The following PABIR2 variants were observed in gnomAD, a reference collection of about 807,000 sequenced individuals.
The protein encoded by PABIR2 is PABIR family member 2.
A neutral mutation model predicts 22.8 loss-of-function variants in PABIR2; 7 were observed. That is an observed-to-expected ratio of 0.31 (90% CI 0.17 to 0.58). The LOEUF is 0.58. Among genes scored for constraint, PABIR2 ranks in the 20% least tolerant of loss-of-function variants. The pLI is 0.89. For missense variants in PABIR2, 155 were observed against 205.1 expected, an observed-to-expected ratio of 0.76 and a Z score of 1.49; for synonymous variants, 67 against 73.8, an observed-to-expected ratio of 0.91 and a Z score of 0.47.
chrX:134,782,957 A>G (rs943276041), intron 8 of PABIR2, among the ~76,000 whole-genome samples: 1 of 112,136 alleles, frequency 8.9e-6, no homozygotes, highest in Non-Finnish European at 1.9e-5. Flanking sequence ...TCGCCTCACT[A>G]GCAAAAGACT....
At chrX:134,778,585 T>A (rs2079068166) in intron 9 of PABIR2, among the ~76,000 whole-genome samples, 1 of 110,102 alleles carries the variant, frequency 9.1e-6, no homozygotes, top group African/African-American at 3.3e-5. Flanking sequence ...ATATAAGGTG[T>A]CCCCAAAGTC....
In PABIR2 at chrX:134,770,733, G is replaced by A. The variant is rs757134759; in HGVS notation, c.*1406C>T. On this transcript the variant is annotated 3_prime_UTR_variant, in exon 10 of 10. Coordinates refer to ENST00000343004, the MANE Select transcript of PABIR2 (RefSeq NM_001387468.1). ...GACATTTTACCTAGTTATAAATAAC[G>A]TAACAATAGATCACACTCAGATTTC... 8.9e-6 allele frequency: 1 copy of A among 112,813 alleles called. No individual in the cohort carries two copies. The highest frequency in any genetic ancestry group is 3.6e-4 in the South Asian group (1 of 2,749). The allele number at this position is 112,813 out of a possible 1,213,427, so 9.3% of individuals were successfully genotyped here. A position where few individuals can be genotyped will look rare whatever the true frequency, so the allele number is the denominator to read the frequency against.
chrX:134,779,787 T>C (rs1416954546), intron 9 of PABIR2, among the ~76,000 whole-genome samples: 1 of 112,737 alleles, frequency 8.9e-6, no homozygotes, highest in Non-Finnish European at 1.9e-5. Flanking sequence ...GTCACTTGGT[T>C]AGTAACTAGG....
At chrX:134,790,420 A>T (rs2079511737) in intron 2 of PABIR2, among the ~76,000 whole-genome samples, 1 of 112,886 alleles carries the variant, frequency 8.9e-6, no homozygotes, top group Non-Finnish European at 1.9e-5. Flanking sequence ...AATGCAAGTG[A>T]ACTTGTAATA....
At chrX:134,779,005 G>A (rs1374810123) in intron 9 of PABIR2, among the ~76,000 whole-genome samples, 2 of 110,744 alleles carry the variant, frequency 1.8e-5, no homozygotes, top group African/African-American at 6.6e-5. Context: ...TAGTAGAGAC[G>A]AGGTTTCACC....
intron 1 of PABIR2, among the ~76,000 whole-genome samples, chrX:134,795,339 G>C (rs1034153515): frequency 1.3e-4 from 14 of 111,400 alleles, no homozygotes; most frequent in Non-Finnish European, 1.3e-4. Context: ...CTCGCAAATT[G>C]GCTCTCTACC....
chrX:134,785,680 G>T lies in PABIR2; in HGVS notation c.562+206C>A, dbSNP rs182529105. Among the ~76,000 whole-genome samples, 62 of 111,746 alleles carry T rather than the reference G, an allele frequency of 5.5e-4. No individual in the cohort carries two copies. In the East Asian group the frequency reaches 0.01, roughly 19 times the overall value. ...TGGTCTCAAACTCCTGACCCGAGGC[G>T]ATCCACCTGCCTCGGCCTCCGAAAG... On this transcript the variant is annotated intron_variant, in intron 8 of 9. Transcript: ENST00000343004.
rs770751499 is a variant in PABIR2, at chrX:134,789,209, T to A, written c.278+14A>T. The A allele has an allele frequency of 2.5e-6, 3 of 1,212,204 alleles. No individual in the cohort carries two copies. Among genetic ancestry groups the A allele is most frequent in the Non-Finnish European group, 3.3e-6 (3 of 895,599 alleles). ...CACTTATTAGGCTAGGCCCTGCTCT[T>A]GCAAAGCACTAACCTTTCATGTGCA... On this transcript the variant is annotated intron_variant, in intron 4 of 9. Coordinates refer to ENST00000343004, the MANE Select transcript of PABIR2 (RefSeq NM_001387468.1).
chrX:134,784,039 C>T lies in PABIR2; in HGVS notation c.562+1847G>A, dbSNP rs772991711. Among the ~76,000 whole-genome samples, 240 of 106,668 alleles carry T rather than the reference C, an allele frequency of 2.2e-3. 1 individual carries two copies. The highest frequency in any genetic ancestry group is 7.7e-3 in the African/African-American group (224 of 29,032). The allele number at this position is 106,668 out of a possible 115,157, so 92.6% of individuals were successfully genotyped here. A position where few individuals can be genotyped will look rare whatever the true frequency, so the allele number is the denominator to read the frequency against. ...GAGGTTGCAGTGAGCTGAGATTGCA[C>T]CACTGCACTCCAGCATGGGTGACAG... On this transcript the variant is annotated intron_variant, in intron 8 of 9. Transcript: ENST00000343004.
At position 134,787,498 on chromosome X, in the gene PABIR2, T is replaced by C. The variant is rs749907558; in HGVS notation, c.471A>G (p.Pro157=). ...FVSSSGLPPS[P]VPSPRRFSSR... ...TTGAAAATCGTCTTGGACTGGGAAC[T>C]GGACTTGGTGGCAATCCACTGCTGC... Residue 157 remains proline (P), a synonymous_variant, in exon 7 of 10, where the codon CCA becomes CCG. Coordinates refer to ENST00000343004, the MANE Select transcript of PABIR2 (RefSeq NM_001387468.1). 5 of 1,210,370 alleles carry C rather than the reference T, an allele frequency of 4.1e-6. No homozygotes were observed. The highest frequency in any genetic ancestry group is 5.6e-6 in the Non-Finnish European group (5 of 894,772).
intron 8 of PABIR2, among the ~76,000 whole-genome samples, chrX:134,784,734 C>T (rs1459123475): frequency 2.7e-5 from 3 of 111,118 alleles, no homozygotes; most frequent in Non-Finnish European, 5.7e-5. Flanking sequence ...CTGTCTCGGC[C>T]TCCCAAAGTG....
intron 9 of PABIR2, among the ~76,000 whole-genome samples, chrX:134,775,837 G>A (rs924663707): frequency 3.6e-5 from 4 of 111,453 alleles, no homozygotes; most frequent in African/African-American, 1.3e-4. Context: ...CTTGCTCTGG[G>A]TTAAACTGAT....
At chrX:134,794,539 T>C (rs945184846) in intron 1 of PABIR2, among the ~76,000 whole-genome samples, 2 of 111,723 alleles carry the variant, frequency 1.8e-5, no homozygotes, top group Non-Finnish European at 3.8e-5. Context: ...ACAAACGGAA[T>C]GCAATCACTC....
At chrX:134,777,579 G>A (rs924621519) in intron 9 of PABIR2, among the ~76,000 whole-genome samples, 7 of 106,569 alleles carry the variant, frequency 6.6e-5, no homozygotes, top group Non-Finnish European at 1.3e-4. Flanking sequence ...CTGTAATCCT[G>A]TAATCCCAGC....
intron 2 of PABIR2, among the ~76,000 whole-genome samples, chrX:134,791,918 C>T (rs1009877254): frequency 9.0e-6 from 1 of 111,667 alleles, no homozygotes; most frequent in East Asian, 2.8e-4. Flanking sequence ...GCAGCGCCAA[C>T]CCCCGGTCAC....
At chrX:134,793,547 C>A (rs2079611363) in intron 2 of PABIR2, 2 of 433,057 alleles carry the variant, frequency 4.6e-6, no homozygotes, top group Non-Finnish European at 8.5e-6. Context: ...TTAATCCTGA[C>A]TTACCTCACA....
chrX:134,770,703 C>T lies in PABIR2; in HGVS notation c.*1436G>A, dbSNP rs1417917750. 5 of 112,950 alleles carry T rather than the reference C, an allele frequency of 4.4e-5. No homozygotes were observed. Among genetic ancestry groups the T allele is most frequent in the Middle Eastern group, 4.6e-3 (1 of 219 alleles). 9.3% of individuals were successfully genotyped at this position (112,950 alleles called of 1,213,427 possible). ...TCTGAACGTTAAAAGAAATCTATCA[C>T]GACAGACATTTTACCTAGTTATAAA... On this transcript the variant is annotated 3_prime_UTR_variant, in exon 10 of 10. Coordinates refer to ENST00000343004, the MANE Select transcript of PABIR2 (RefSeq NM_001387468.1).
chrX:134,782,263 A>C (rs772500734), intron 8 of PABIR2, among the ~76,000 whole-genome samples: 1 of 112,327 alleles, frequency 8.9e-6, no homozygotes, highest in African/African-American at 3.2e-5. Context: ...TCAATATTGT[A>C]TGCTACATGG....
chrX:134,776,961 G>T (rs1464280098), intron 9 of PABIR2, among the ~76,000 whole-genome samples: 1 of 112,278 alleles, frequency 8.9e-6, no homozygotes, highest in Non-Finnish European at 1.9e-5. Flanking sequence ...ACAAAACTAA[G>T]ATATCCGGTT....
Sources: gnomAD v4.1 joint callset for allele counts (sites outside exome capture counted in the v4.1 genomes callset) on GRCh38, gnomAD v4.1.1 for gene constraint, MANE v1.5 for transcripts, NCBI Gene and HGNC (gene_info 2026-07-23, HGNC 2026-07-21) for gene names.